MAP3K20: variants seen among roughly 807,000 people sequenced by gnomAD.
MAP3K20 encodes the protein mitogen-activated protein kinase kinase kinase 20.
Under a neutral mutation model 85.7 loss-of-function variants are expected in MAP3K20, and 40 were observed. The observed-to-expected ratio is 0.47, with a 90% CI of 0.36 to 0.61. The LOEUF is 0.61. MAP3K20 is among the 20% of genes least tolerant of loss of function. MAP3K20 has a pLI of 0.00. For synonymous variants in MAP3K20, 325 were observed against 327.7 expected, an observed-to-expected ratio of 0.99 and a Z score of 0.09; for missense variants, 817 against 961.7, an observed-to-expected ratio of 0.85 and a Z score of 1.99.
chr2:173,125,797 G>C (rs1688425362), intron 2 of MAP3K20, among the ~76,000 whole-genome samples: 1 of 152,000 alleles, frequency 6.6e-6, no homozygotes, highest in Non-Finnish European at 1.5e-5. Context: ...TGAGTAGCTG[G>C]GACTAAAGAT....
chr2:173,192,421 C>A (rs1238702266), intron 7 of MAP3K20, among the ~76,000 whole-genome samples: 1 of 152,090 alleles, frequency 6.6e-6, no homozygotes, highest in East Asian at 1.9e-4. Context: ...TTGAAAAAAT[C>A]ATTTCAAGAA....
chr2:173,090,787 A>C, intron 1 of MAP3K20: 3 of 1,174,264 alleles, frequency 2.6e-6, no homozygotes, highest in Non-Finnish European at 3.2e-6. Flanking sequence ...GCTGTGTTTC[A>C]AAGTCTGGGC....
chr2:173,197,075 A>T (rs1690868394), intron 7 of MAP3K20, among the ~76,000 whole-genome samples: 1 of 152,206 alleles, frequency 6.6e-6, no homozygotes, highest in African/African-American at 2.4e-5. Context: ...TATAATAAGT[A>T]CTCAATAAGC....
At chr2:173,224,274 G>A in intron 11 of MAP3K20, 1 of 985,258 alleles carries the variant, frequency 1.0e-6, no homozygotes. Flanking sequence ...GCTAACTTCG[G>A]GATCCCTGCA....
chr2:173,109,908 A>G (rs1350278666), intron 2 of MAP3K20, among the ~76,000 whole-genome samples: 1 of 151,974 alleles, frequency 6.6e-6, no homozygotes, highest in Non-Finnish European at 1.5e-5. Flanking sequence ...GTAATTTTTT[A>G]AAAAATGAAA....
intron 17 of MAP3K20, among the ~76,000 whole-genome samples, chr2:173,260,044 T>A (rs1298196404): frequency 6.6e-6 from 1 of 152,114 alleles, no homozygotes; most frequent in Admixed American, 6.6e-5. Flanking sequence ...TAATCCTAAT[T>A]TAAAACAAAC....
At chr2:173,196,057 C>T (rs962754924) in intron 7 of MAP3K20, among the ~76,000 whole-genome samples, 1 of 137,102 alleles carries the variant, frequency 7.3e-6, no homozygotes, top group Non-Finnish European at 1.6e-5. Flanking sequence ...AAAATTCAGT[C>T]TGTGCATGTG....
At position 173,266,037 on chromosome 2, in the gene MAP3K20, A is replaced by C. The variant is rs946545215; in HGVS notation, c.1703-13A>C. The C allele has an allele frequency of 1.3e-6, 2 of 1,549,200 alleles. No homozygotes were observed. The highest frequency in any genetic ancestry group is 8.7e-7 in the Non-Finnish European group (1 of 1,143,648). On this transcript the variant is annotated splice_polypyrimidine_tract_variant and intron_variant, in intron 19 of 19. Coordinates refer to ENST00000375213, the MANE Select transcript of MAP3K20 (RefSeq NM_016653.3). ...TGTGGCTTAAAAGATGCTCATTTCC[A>C]TTTCTCCCGCAGGTGCTGATTGCCA... is the stretch of plus-strand genomic sequence containing the variant.
chr2:173,194,167 C>G (rs952530534), intron 7 of MAP3K20, among the ~76,000 whole-genome samples: 3 of 152,148 alleles, frequency 2.0e-5, no homozygotes, highest in African/African-American at 7.2e-5. Flanking sequence ...TGGTTTGCCT[C>G]ACAGAATGTT....
Position 173,188,078 on chromosome 2 carries a change from C to G in MAP3K20, c.415+455C>G, listed in dbSNP as rs565068584. Reference sequence around the variant, plus strand: ...AATTGCGTGGTGTGAATTGTTGATGCCAGTCATGCCTGTATTACCTGGAGT... The same window carrying G: ...AATTGCGTGGTGTGAATTGTTGATGGCAGTCATGCCTGTATTACCTGGAGT... On this transcript the variant is annotated intron_variant, in intron 5 of 19. Transcript: ENST00000375213. Among the ~76,000 whole-genome samples the G allele has an allele frequency of 3.9e-5, 6 of 152,238 alleles. No individual in the cohort carries two copies. The South Asian group carries it at 1.0e-3, about 26-fold the overall frequency.
chr2:173,157,831 G>C (rs1689522575), intron 2 of MAP3K20, among the ~76,000 whole-genome samples: 1 of 152,220 alleles, frequency 6.6e-6, no homozygotes, highest in Non-Finnish European at 1.5e-5. Flanking sequence ...TGAGTGTCAG[G>C]AAGACTTGGA....
chr2:173,100,988 T>TACC (rs1687622578), intron 2 of MAP3K20, among the ~76,000 whole-genome samples: 1 of 152,028 alleles, frequency 6.6e-6, no homozygotes, highest in Admixed American at 6.5e-5. Context: ...GCTATAAAGG[T>TACC]GTTAGAGGAA....
intron 10 of MAP3K20, chr2:173,211,208 T>C (rs1484566596): frequency 1.3e-5 from 2 of 151,990 alleles, no homozygotes; most frequent in Non-Finnish European, 2.9e-5. Flanking sequence ...GGCTGGTGGA[T>C]TACTTGAGCC....
In MAP3K20 at chr2:173,154,796, C is replaced by CA. The variant is rs546662034; in HGVS notation, c.160-15008dup. 5.5e-3 allele frequency among the ~76,000 whole-genome samples: 839 copies of CA among 152,178 alleles called. 9 individuals carry two copies. Among genetic ancestry groups the CA allele is most frequent in the Non-Finnish European group, 6.2e-3 (425 of 68,022 alleles). ...CATGGTTACATTTAATGTTAAAACT[C>CA]AGACTATAACCTATATAGGATACTT... On this transcript the variant is annotated intron_variant, in intron 2 of 19. Coordinates refer to ENST00000375213, the MANE Select transcript of MAP3K20 (RefSeq NM_016653.3).
chr2:173,189,140 G>A (rs1157915644), intron 5 of MAP3K20, among the ~76,000 whole-genome samples: 1 of 152,094 alleles, frequency 6.6e-6, no homozygotes, highest in Non-Finnish European at 1.5e-5. Flanking sequence ...GGTAACCAGA[G>A]TTTCACTTTC....
intron 16 of MAP3K20, among the ~76,000 whole-genome samples, chr2:173,240,187 C>T (rs1453038976): frequency 1.3e-5 from 2 of 152,120 alleles, no homozygotes; most frequent in Non-Finnish European, 2.9e-5. Context: ...AATAACTTGC[C>T]CAAGGGTTAC....
At chr2:173,094,602 G>A (rs1404510287) in intron 2 of MAP3K20, among the ~76,000 whole-genome samples, 1 of 152,140 alleles carries the variant, frequency 6.6e-6, no homozygotes, top group East Asian at 1.9e-4. Flanking sequence ...CTTTTAAGAC[G>A]TAGACATTTT....
At chr2:173,180,769 G>A (rs918994648) in intron 3 of MAP3K20, among the ~76,000 whole-genome samples, 1 of 152,020 alleles carries the variant, frequency 6.6e-6, no homozygotes, top group East Asian at 1.9e-4. Context: ...ATAAGCCTAA[G>A]TATAAGGGTT....
Position 173,091,198 on chromosome 2 carries a change from CT to C in MAP3K20, c.159+12del. 6.2e-7 allele frequency: 1 copy of C among 1,605,994 alleles called. No homozygotes were observed. The highest frequency in any genetic ancestry group is 8.5e-7 in the Non-Finnish European group (1 of 1,175,450). Reference sequence around the variant, plus strand: ...CTCAAAATAGAGAAAGAGGTAAGGTCTTTTCCAGCTGACAGAAACAGTCACG... The same window carrying C: ...CTCAAAATAGAGAAAGAGGTAAGGTCTTTCCAGCTGACAGAAACAGTCACG... On this transcript the variant is annotated intron_variant, in intron 2 of 19. Coordinates refer to ENST00000375213, the MANE Select transcript of MAP3K20 (RefSeq NM_016653.3).
Sources: allele counts gnomAD v4.1 joint callset (sites outside exome capture counted in the v4.1 genomes callset), GRCh38; gene constraint gnomAD v4.1.1; transcripts MANE v1.5; gene names NCBI Gene and HGNC (gene_info 2026-07-23, HGNC 2026-07-21).